Variants in CHODL observed in about 807,000 individuals in gnomAD.
The protein encoded by CHODL is chondrolectin.
Under a neutral mutation model 34.5 loss-of-function variants are expected in CHODL, and 29 were observed. The ratio of observed to expected loss-of-function variants is 0.84; its 90% CI spans 0.63 to 1.15. CHODL has a LOEUF of 1.15. Ranked by LOEUF, CHODL falls within the 50% of genes most tolerant of loss-of-function variation. The pLI, the probability that CHODL is intolerant of heterozygous loss-of-function variation, is 0.00. For missense variants in CHODL, 332 were observed against 332.5 expected, an observed-to-expected ratio of 1.00 and a Z score of 0.01; for synonymous variants, 125 against 116.1, an observed-to-expected ratio of 1.08 and a Z score of -0.49.
At chr21:18,012,868 T>G (rs1296851755) in intron 1 of CHODL, among the ~76,000 whole-genome samples, 1 of 152,190 alleles carries the variant, frequency 6.6e-6, no homozygotes, top group Non-Finnish European at 1.5e-5. Flanking sequence ...TTGTTTAATC[T>G]TAATTACATA....
chr21:17,992,322 A>C (rs1326277987), intron 1 of CHODL, among the ~76,000 whole-genome samples: 2 of 152,062 alleles, frequency 1.3e-5, no homozygotes, highest in Non-Finnish European at 2.9e-5. Context: ...GTGGTTCCAT[A>C]CAAATTTTCT....
chr21:18,075,131 T>C (rs2064849120), intron 2 of CHODL, among the ~76,000 whole-genome samples: 1 of 152,224 alleles, frequency 6.6e-6, no homozygotes, highest in Non-Finnish European at 1.5e-5. Context: ...TGACAACTTC[T>C]ATTATCCACT....
chr21:18,018,979 CA>C, intron 1 of CHODL, among the ~76,000 whole-genome samples: 1 of 152,286 alleles, frequency 6.6e-6, no homozygotes, highest in Middle Eastern at 3.4e-3. Context: ...TCTGCCTGTC[CA>C]GTCCTAATTA....
At chr21:18,138,993 AATATT>A (rs1191509331) in intron 2 of CHODL, among the ~76,000 whole-genome samples, 4 of 152,032 alleles carry the variant, frequency 2.6e-5, no homozygotes, top group Admixed American at 6.6e-5. Flanking sequence ...TAGTTTGGGT[AATATT>A]ATATTTTATT....
chr21:18,241,001 AACTGACTTCTGGG>A (rs2074076834), upstream of CHODL, among the ~76,000 whole-genome samples: 1 of 152,168 alleles, frequency 6.6e-6, no homozygotes, highest in African/African-American at 2.4e-5. Context: ...GCCCTGCAAA[AACTGACTTCTGGG>A]ATTATGAGGA....
chr21:18,073,899 TAAAC>T (rs1157818520), intron 2 of CHODL, among the ~76,000 whole-genome samples: 2 of 152,142 alleles, frequency 1.3e-5, no homozygotes, highest in Admixed American at 1.3e-4. Flanking sequence ...TTTAATAAAA[TAAAC>T]TTTATTTTTA....
chr21:18,099,089 G>A (rs1356837625), intron 2 of CHODL, among the ~76,000 whole-genome samples: 1 of 152,000 alleles, frequency 6.6e-6, no homozygotes, highest in African/African-American at 2.4e-5. Flanking sequence ...AAGGGTAGTG[G>A]GGTGGAAGGA....
At chr21:18,098,496 A>G (rs2065169084) in intron 2 of CHODL, among the ~76,000 whole-genome samples, 1 of 152,138 alleles carries the variant, frequency 6.6e-6, no homozygotes, top group Non-Finnish European at 1.5e-5. Context: ...CTCACTTCTC[A>G]TCAGAGAAAT....
chr21:17,966,692 G>C (rs1475966147), intron 1 of CHODL, among the ~76,000 whole-genome samples: 1 of 152,044 alleles, frequency 6.6e-6, no homozygotes, highest in Non-Finnish European at 1.5e-5. Context: ...GTAGAGTTGG[G>C]GTCATTAACT....
chr21:17,982,284 C>T (rs1412227160), intron 1 of CHODL, among the ~76,000 whole-genome samples: 1 of 152,186 alleles, frequency 6.6e-6, no homozygotes, highest in Non-Finnish European at 1.5e-5. Flanking sequence ...GTCTAGGCCA[C>T]TCTGACCAGC....
At chr21:18,003,022 C>T (rs1288702786) in intron 1 of CHODL, among the ~76,000 whole-genome samples, 1 of 151,664 alleles carries the variant, frequency 6.6e-6, no homozygotes, top group Non-Finnish European at 1.5e-5. Context: ...ACTCGGGAGG[C>T]TGAGGCAGGA....
intron 2 of CHODL, among the ~76,000 whole-genome samples, chr21:18,108,601 C>T (rs986097274): frequency 6.6e-6 from 1 of 152,120 alleles, no homozygotes; most frequent in Admixed American, 6.5e-5. Flanking sequence ...GGGAACACAC[C>T]TGATACCTTG....
At chr21:18,036,845 A>G (rs557844349) in intron 2 of CHODL, among the ~76,000 whole-genome samples, 21 of 152,040 alleles carry the variant, frequency 1.4e-4, no homozygotes, top group African/African-American at 4.1e-4. Flanking sequence ...AACTGGGTGG[A>G]GTTCTTTCTA....
chr21:17,947,920 G>A (rs957866387), intron 1 of CHODL, among the ~76,000 whole-genome samples: 2 of 152,164 alleles, frequency 1.3e-5, no homozygotes, highest in Non-Finnish European at 2.9e-5. Flanking sequence ...ATCAGCAGAT[G>A]ATTGGATAAA....
chr21:18,120,766 G>C (rs2065469848), intron 2 of CHODL, among the ~76,000 whole-genome samples: 1 of 90,346 alleles, frequency 1.1e-5, no homozygotes, highest in South Asian at 4.4e-4. Context: ...TGAATATCCT[G>C]ATAATGGACT....
chr21:18,085,766 C>T lies in CHODL; in HGVS notation c.-45+57795C>T, dbSNP rs370839450. ...CCTTTATAGGTGACTATATGCTTTT[C>T]TCTTTTTAATTTTAAAAATCTTTTA... On this transcript the variant is annotated intron_variant, in intron 2 of 6. Coordinates refer to the CHODL transcript ENST00000400127. Among the ~76,000 whole-genome samples, 95 of 152,190 alleles carry T rather than the reference C, an allele frequency of 6.2e-4. 1 individual carries two copies. In the South Asian group the frequency reaches 0.019, roughly 30 times the overall value.
chr21:18,010,297 CAAAAAAAA>C lies in CHODL; in HGVS notation c.-144-17557_-144-17550del, dbSNP rs71189576. On this transcript the variant is annotated intron_variant, in intron 1 of 6. Coordinates refer to the CHODL transcript ENST00000400127. Reference sequence around the variant, plus strand: ...GGGCGACAGAGCAAGACTCCCGTCTCAAAAAAAAAAAAAAAAAAAAAAAAAGAAGAAAA... The same window carrying C: ...GGGCGACAGAGCAAGACTCCCGTCTCAAAAAAAAAAAAAAAAAGAAGAAAA... Among the ~76,000 whole-genome samples the C allele has an allele frequency of 1.8e-4, 7 of 38,788 alleles. No individual in the cohort carries two copies. The South Asian group carries it at 9.8e-3, about 54-fold the overall frequency. 25.4% of individuals were successfully genotyped at this position (38,788 alleles called of 152,430 possible).
At chr21:18,102,005 G>T (rs1601005532) in intron 2 of CHODL, among the ~76,000 whole-genome samples, 1 of 152,172 alleles carries the variant, frequency 6.6e-6, no homozygotes, top group East Asian at 1.9e-4. Flanking sequence ...GATTACTCAG[G>T]TCCAAGAATC....
intron 1 of CHODL, among the ~76,000 whole-genome samples, chr21:18,248,889 T>C (rs1380704781): frequency 8.4e-6 from 1 of 118,614 alleles, no homozygotes; most frequent in African/African-American, 3.5e-5. Context: ...ATTGTACCTA[T>C]AATATAATAC....
Sources: allele counts gnomAD v4.1 joint callset (sites outside exome capture counted in the v4.1 genomes callset), GRCh38; gene constraint gnomAD v4.1.1; transcripts MANE v1.5; gene names NCBI Gene and HGNC (gene_info 2026-07-23, HGNC 2026-07-21).